GABRG2: variants seen among roughly 807,000 people sequenced by gnomAD.
GABRG2 encodes gamma-aminobutyric acid receptor subunit gamma-2.
In GABRG2, 16 loss-of-function variants were observed where a neutral mutation model predicts 56.4. The observed-to-expected ratio is 0.28, with a 90% CI of 0.19 to 0.43. The LOEUF is 0.43. Among genes scored for constraint, GABRG2 ranks in the 20% least tolerant of loss-of-function variants. The pLI, the probability that GABRG2 is intolerant of heterozygous loss-of-function variation, is 1.00. For missense variants in GABRG2, 327 were observed against 582.7 expected (o/e 0.56, Z 4.52); for synonymous variants, 208 against 205.5 (o/e 1.01, Z -0.10).
chr5:162,097,724 C>T lies in GABRG2; in HGVS notation c.414C>T (p.Asn138=), dbSNP rs2113325875. 1 of 1,613,840 alleles carries T rather than the reference C, an allele frequency of 6.2e-7. No individual in the cohort carries two copies. The highest frequency in any genetic ancestry group is 8.5e-7 in the Non-Finnish European group (1 of 1,179,870). Residue 138 remains asparagine, a synonymous_variant, in exon 4 of 10, where the codon AAC becomes AAT. Coordinates refer to ENST00000639213, the MANE Select transcript of GABRG2 (RefSeq NM_198904.4). ...GCACCATTAAAGTCCTCCGATTGAA[C>T]AGCAACATGGTGGGGAAAATCTGGA... ...FNSTIKVLRL[N]SNMVGKIWIP...
At chr5:162,106,968 A>G (rs1761881181) in intron 6 of GABRG2, among the ~76,000 whole-genome samples, 1 of 152,022 alleles carries the variant, frequency 6.6e-6, no homozygotes, top group Non-Finnish European at 1.5e-5. Context: ...TGAGCCAAGT[A>G]CCTCTTAGTT....
At chr5:162,086,799 A>G (rs1760156142) in intron 1 of GABRG2, among the ~76,000 whole-genome samples, 1 of 152,042 alleles carries the variant, frequency 6.6e-6, no homozygotes, top group Non-Finnish European at 1.5e-5. Flanking sequence ...GAACTGTTGT[A>G]CAATATTTCA....
intron 6 of GABRG2, among the ~76,000 whole-genome samples, chr5:162,139,959 A>G (rs1764434252): frequency 3.3e-5 from 5 of 152,200 alleles, no homozygotes; most frequent in African/African-American, 1.2e-4. Flanking sequence ...ATGGATGTTA[A>G]TAGAGGTCAT....
At chr5:162,123,580 T>C (rs1164673316) in intron 6 of GABRG2, among the ~76,000 whole-genome samples, 1 of 151,920 alleles carries the variant, frequency 6.6e-6, no homozygotes, top group Non-Finnish European at 1.5e-5. Context: ...TGTAAGTGTG[T>C]GTCTGTTTAC....
chr5:162,090,530 G>A lies in GABRG2; in HGVS notation c.108-3298G>A, dbSNP rs1217394208. On this transcript the variant is annotated intron_variant, in intron 1 of 9. Transcript: ENST00000639213. ...CAAGCTCCCATGCAATGTTGCTGCT[G>A]TGGCCCCAGGCTCTCACTAAGGTGA... Among the ~76,000 whole-genome samples the A allele has an allele frequency of 2.0e-5, 3 of 152,242 alleles. No homozygotes were observed. In the East Asian group the frequency reaches 5.8e-4, roughly 30 times the overall value.
intron 1 of GABRG2, among the ~76,000 whole-genome samples, chr5:162,090,815 T>A (rs1233143222): frequency 1.3e-5 from 2 of 152,142 alleles, no homozygotes; most frequent in African/African-American, 4.8e-5. Flanking sequence ...CTCTATCCAC[T>A]CAACTGTTGA....
chr5:162,105,189 AG>A (rs961585351), intron 6 of GABRG2, among the ~76,000 whole-genome samples: 4 of 152,078 alleles, frequency 2.6e-5, no homozygotes, highest in Non-Finnish European at 5.9e-5. Flanking sequence ...AAGCAAATAA[AG>A]GACCTACACA....
At position 162,142,336 on chromosome 5, in the gene GABRG2, G is replaced by A. The variant is rs11575991; in HGVS notation, c.922+20G>A. The stretch of plus-strand genomic sequence containing the variant: ...CTTTAGGTGAGACACCTTTGTTTAT[G>A]TTGCAGTTTCTCAAGATAAGTACCA... On this transcript the variant is annotated intron_variant, in intron 7 of 9. Transcript: ENST00000639213. The A allele has an allele frequency of 2.8e-4, 444 of 1,613,406 alleles. 3 individuals are homozygous for A. The East Asian group carries it at 9.0e-3, about 33-fold the overall frequency.
At chr5:162,093,721 A>T in intron 1 of GABRG2, 107 bp from the exon 2 acceptor site, 4 of 1,069,282 alleles carry the variant, frequency 3.7e-6, no homozygotes, top group Non-Finnish European at 5.7e-6. Flanking sequence ...TTCAGTTTAA[A>T]CATTTCTTTT....
At chr5:162,089,977 C>G (rs1173049914) in intron 1 of GABRG2, among the ~76,000 whole-genome samples, 1 of 152,128 alleles carries the variant, frequency 6.6e-6, no homozygotes, top group Non-Finnish European at 1.5e-5. Context: ...TGTCTACAAT[C>G]TTGTTAAAAT....
chr5:162,105,964 G>A (rs1216370202), intron 6 of GABRG2, among the ~76,000 whole-genome samples: 3 of 151,968 alleles, frequency 2.0e-5, no homozygotes, highest in Admixed American at 6.6e-5. Context: ...CCACAAACTC[G>A]TGACTAGAAG....
At chr5:162,081,359 T>C (rs1195281693) in intron 1 of GABRG2, among the ~76,000 whole-genome samples, 5 of 152,082 alleles carry the variant, frequency 3.3e-5, no homozygotes, top group East Asian at 1.9e-4. Flanking sequence ...TACAGCATAA[T>C]TGACCTCTTC....
intron 6 of GABRG2, among the ~76,000 whole-genome samples, chr5:162,135,516 C>A (rs1319071721): frequency 6.6e-6 from 1 of 152,052 alleles, no homozygotes; most frequent in Non-Finnish European, 1.5e-5. Context: ...AAATAGTGAG[C>A]AAAATAGCTA....
At chr5:162,145,578 G>GA (rs1764893077) in intron 7 of GABRG2, among the ~76,000 whole-genome samples, 1 of 152,168 alleles carries the variant, frequency 6.6e-6, no homozygotes, top group Admixed American at 6.5e-5. Context: ...GCAGAGCCCT[G>GA]AAAATATCAT....
chr5:162,068,566 G>T (rs1758412974), intron 1 of GABRG2, among the ~76,000 whole-genome samples: 2 of 151,900 alleles, frequency 1.3e-5, no homozygotes, highest in Admixed American at 1.3e-4. Flanking sequence ...CCCTGTTCCT[G>T]TGTACTAAGG....
chr5:162,119,887 A>G (rs1762871160), intron 6 of GABRG2, among the ~76,000 whole-genome samples: 1 of 152,032 alleles, frequency 6.6e-6, no homozygotes. Flanking sequence ...GCTGTTTAAG[A>G]GCTATTGTAG....
At chr5:162,102,768 A>G in intron 5 of GABRG2, 1 of 345,574 alleles carries the variant, frequency 2.9e-6, no homozygotes, top group South Asian at 2.2e-5. Flanking sequence ...GTTTTCCTCA[A>G]TTTTCATCAC....
intron 1 of GABRG2, among the ~76,000 whole-genome samples, chr5:162,078,345 A>C (rs914887520): frequency 1.5e-5 from 2 of 133,608 alleles, no homozygotes; most frequent in African/African-American, 5.8e-5. Flanking sequence ...TCACCTTTAC[A>C]GGCATTACTT....
At chr5:162,151,441 C>A (rs1248967002) in intron 8 of GABRG2, 2 of 322,986 alleles carry the variant, frequency 6.2e-6, no homozygotes, top group East Asian at 5.9e-5. Flanking sequence ...GGGAACCAGG[C>A]AATAGAAAAC....
Sources: allele counts gnomAD v4.1 joint callset (sites outside exome capture counted in the v4.1 genomes callset), GRCh38; gene constraint gnomAD v4.1.1; transcripts MANE v1.5; gene names NCBI Gene and HGNC (gene_info 2026-07-23, HGNC 2026-07-21).